HAUS5: variants seen among roughly 807,000 people sequenced by gnomAD.
HAUS5 encodes HAUS augmin like complex subunit 5, also known as HAUS augmin-like complex subunit 5.
HAUS5 carries 67 observed loss-of-function variants against 94.1 expected under a neutral mutation model. The ratio of observed to expected loss-of-function variants is 0.71; its 90% CI spans 0.58 to 0.87. The LOEUF (loss-of-function observed/expected upper bound fraction) is 0.87, where lower values mean the gene tolerates loss of function less well. HAUS5 is among the 40% of genes least tolerant of loss of function. HAUS5 has a pLI of 0.00. For missense variants in HAUS5, 739 were observed against 825.6 expected (o/e 0.90, Z 1.29); for synonymous variants, 339 against 355.4 (o/e 0.95, Z 0.52).
intron 12 of HAUS5, 78 bp downstream of exon 12, chr19:35,618,777 T>C: frequency 6.5e-7 from 1 of 1,527,016 alleles, no homozygotes; most frequent in Non-Finnish European, 8.8e-7. Flanking sequence ...TTTCAGCCTC[T>C]GTGGCTCCTA....
chr19:35,613,969 A>C, intron 3 of HAUS5, 66 bp from the exon 4 acceptor site: 5 of 1,607,720 alleles, frequency 3.1e-6, no homozygotes, highest in Non-Finnish European at 4.3e-6. Context: ...CCACCACAGC[A>C]TCACACCTAT....
At chr19:35,618,830 T>C in intron 12 of HAUS5, 57 bp from the exon 13 acceptor site, 1 of 1,540,468 alleles carries the variant, frequency 6.5e-7, no homozygotes, top group Non-Finnish European at 8.8e-7. Flanking sequence ...TGGTTTATGG[T>C]CCCTTGTGTG....
rs1368544950 is a variant in HAUS5 at position 35,624,994 on chromosome 19, T to C, written c.*2001T>C. 2 of 152,328 alleles carry C rather than the reference T, an allele frequency of 1.3e-5. No homozygotes were observed. The highest frequency in any genetic ancestry group is 4.8e-5 in the African/African-American group (2 of 41,462). The allele number at this position is 152,328 out of a possible 1,614,324, so 9.4% of individuals were successfully genotyped here. On this transcript the variant is annotated 3_prime_UTR_variant, in exon 19 of 19. Transcript: ENST00000203166. ...GCTGCTGTTTCCCAGCCTTTCCACA[T>C]TGGCTTTCCCATGTAGTCCTTAGTG...
intron 14 of HAUS5, 32 bp downstream of exon 14, chr19:35,619,536 G>A (rs1473901378): frequency 1.2e-6 from 2 of 1,607,966 alleles, no homozygotes; most frequent in African/African-American, 2.7e-5. Context: ...GGTCTGGGTA[G>A]GGCTGGATCT....
chr19:35,613,039 C>T (rs1265957013), intron 1 of HAUS5, 147 bp downstream of exon 1: 1 of 605,832 alleles, frequency 1.7e-6, no homozygotes, highest in African/African-American at 1.9e-5. Flanking sequence ...CCCTGGGAGG[C>T]TCCCCAGAGT....
rs138655923 is a variant in HAUS5 at position 35,618,807 on chromosome 19, C to T, written c.1017-80C>T. On this transcript the variant is annotated intron_variant, in intron 12 of 18. Transcript: ENST00000203166. ...CTCCTATCTCTGCCTCCTCTCCCTG[C>T]AGTGTCTCTCCCTGGTTTATGGTCC... 9.2e-4 allele frequency: 1,395 copies of T among 1,521,394 alleles called. 2 individuals are homozygous for T. The highest frequency in any genetic ancestry group is 1.1e-3 in the Non-Finnish European group (1,204 of 1,126,726). 94.2% of individuals were successfully genotyped at this position (1,521,394 alleles called of 1,614,324 possible).
intron 8 of HAUS5, 136 bp from the exon 9 acceptor site, chr19:35,617,719 G>T: frequency 1.3e-6 from 1 of 764,702 alleles, no homozygotes; most frequent in Non-Finnish European, 2.3e-6. Context: ...AAAGCCAGCA[G>T]GTTGGTATAA....
Position 35,617,885 on chromosome 19 carries a change from G to T in HAUS5, c.669G>T (p.Ser223=), listed in dbSNP as rs201770855. 89 of 1,613,992 alleles carry T rather than the reference G, an allele frequency of 5.5e-5. No individual in the cohort carries two copies. In the African/African-American group the frequency reaches 1.1e-3, roughly 20 times the overall value. Residue 223 remains serine, a synonymous_variant, in exon 9 of 19, where the codon TCG becomes TCT. Coordinates refer to ENST00000203166, the MANE Select transcript of HAUS5 (RefSeq NM_015302.2). ...PTPHDDHFGT[S]YQQWLSSVET... is the part of the protein sequence containing the mutation. ...CTCATGATGACCACTTTGGCACTTC[G>T]TACCAGCAGTGGCTGAGCTCAGTGG...
At chr19:35,613,539 C>T (rs2071913409) in intron 1 of HAUS5, 191 bp from the exon 2 acceptor site, 2 of 587,238 alleles carry the variant, frequency 3.4e-6, no homozygotes, top group African/African-American at 2.0e-5. Context: ...GAGCTATGAT[C>T]GTACCACTGC....
chr19:35,620,261 C>T lies in HAUS5; in HGVS notation c.1585C>T (p.Arg529Trp), dbSNP rs1355448204. 6.8e-6 allele frequency: 11 copies of T among 1,613,042 alleles called. No individual in the cohort carries two copies. The highest frequency in any genetic ancestry group is 2.7e-5 in the African/African-American group (2 of 74,864). The change falls in exon 17 of 19, where the codon CGG becomes TGG. Residue 529 changes from arginine to tryptophan, a missense_variant. Coordinates refer to ENST00000203166, the MANE Select transcript of HAUS5 (RefSeq NM_015302.2). ...RQDLLLLQDQRSLWCWDLLHM... is the reference protein window; with the variant it reads ...RQDLLLLQDQWSLWCWDLLHM... ...GGACCTTCTGCTCCTGCAGGACCAG[C>T]GGAGCCTCTGGTGCTGGGATCTACT...
Position 35,623,124 on chromosome 19 carries a change from CAT to C in HAUS5, c.*132_*133del, listed in dbSNP as rs749398023. On this transcript the variant is annotated 3_prime_UTR_variant, in exon 19 of 19. Transcript: ENST00000203166. ...TCCCCACCCGCACCTGCAGTCCCCTCATGTGCTGTTCTGCTGCCCCACTCAGC... is the reference window on the plus strand; with the variant it reads ...TCCCCACCCGCACCTGCAGTCCCCTCGTGCTGTTCTGCTGCCCCACTCAGC... 29 of 664,850 alleles carry C rather than the reference CAT, an allele frequency of 4.4e-5. No individual in the cohort carries two copies. Among genetic ancestry groups the C allele is most frequent in the Middle Eastern group, 4.2e-4 (1 of 2,366 alleles). 41.2% of individuals were successfully genotyped at this position (664,850 alleles called of 1,614,324 possible). A position where few individuals can be genotyped will look rare whatever the true frequency, so the allele number is the denominator to read the frequency against.
intron 6 of HAUS5, 136 bp downstream of exon 6, chr19:35,615,522 G>T: frequency 1.5e-6 from 1 of 687,996 alleles, no homozygotes; most frequent in Non-Finnish European, 2.4e-6. Context: ...AGGCCAGGAG[G>T]TTTTGTCATC....
intron 4 of HAUS5, 65 bp downstream of exon 4, chr19:35,614,124 AGCCCAACCAGGT>A: frequency 1.4e-6 from 2 of 1,440,350 alleles, no homozygotes; most frequent in Non-Finnish European, 2.0e-6. Context: ...TTCTGCTCTA[AGCCCAACCAGGT>A]GCTGGGTGAT....
rs188968038 is a variant in HAUS5 at position 35,617,378 on chromosome 19, C to T, written c.638+9C>T. The stretch of plus-strand genomic sequence containing the variant: ...AAGAGGGGCAGCCTCCCGTGAGTGT[C>T]CCTAGCCCCCAGAGACCCTGTAAAG... On this transcript the variant is annotated intron_variant, in intron 8 of 18. Coordinates refer to ENST00000203166, the MANE Select transcript of HAUS5 (RefSeq NM_015302.2). The T allele has an allele frequency of 3.9e-5, 63 of 1,599,394 alleles. No homozygotes were observed. The highest frequency in any genetic ancestry group is 1.7e-4 in the Middle Eastern group (1 of 6,028).
rs1229374509 is a variant in HAUS5, at chr19:35,614,891, G to A, written c.220-151G>A. ...GTAAGACAATCCTAGGAGGAAGGAG[G>A]GAGGGAGCCAATACCCTAATGCTTC... On this transcript the variant is annotated intron_variant, in intron 4 of 18. Transcript: ENST00000203166. The A allele has an allele frequency of 1.1e-5, 7 of 609,456 alleles. No homozygotes were observed. In the Admixed American group the frequency reaches 1.2e-4, roughly 10 times the overall value. The allele number at this position is 609,456 out of a possible 1,614,324, so 37.8% of individuals were successfully genotyped here.
Position 35,620,291 on chromosome 19 carries a change from A to G in HAUS5, c.1615A>G (p.Met539Val), listed in dbSNP as rs888607031. ...CCTCTGGTGCTGGGATCTACTCCAC[A>G]TGAAGACCAGCCTGCCGCCAGGCCT... Reference protein sequence around the residue: ...RSLWCWDLLHMKTSLPPGLPT... With the variant: ...RSLWCWDLLHVKTSLPPGLPT... The change falls in exon 17 of 19, where the codon ATG becomes GTG. Residue 539 changes from methionine (M) to valine (V), a missense_variant. Transcript: ENST00000203166. 1.9e-6 allele frequency: 3 copies of G among 1,613,000 alleles called. No homozygotes were observed. The highest frequency in any genetic ancestry group is 2.5e-6 in the Non-Finnish European group (3 of 1,179,784).
In HAUS5 at chr19:35,623,844, G is replaced by A. The variant is rs1477521249; in HGVS notation, c.*851G>A. The A allele has an allele frequency of 6.6e-6, 1 of 152,208 alleles. No homozygotes were observed. Among genetic ancestry groups the A allele is most frequent in the Non-Finnish European group, 1.5e-5 (1 of 68,046 alleles). The allele number at this position is 152,208 out of a possible 1,614,324, so 9.4% of individuals were successfully genotyped here. A position where few individuals can be genotyped will look rare whatever the true frequency, so the allele number is the denominator to read the frequency against. ...GTCAAGAGCAGCGGCGGTGACGCAG[G>A]TGTAGAGATTTGTCAGAGCTCATGT... On this transcript the variant is annotated 3_prime_UTR_variant, in exon 19 of 19. Coordinates refer to ENST00000203166, the MANE Select transcript of HAUS5 (RefSeq NM_015302.2).
In HAUS5 at chr19:35,614,019, G is replaced by A. The variant is rs759891688; in HGVS notation, c.195-16G>A. Reference sequence around the variant, plus strand: ...GAAGCCCCACTCATCCGCTGACTCTGGCCTCGTTTTCCTAGGTATGGCCAC... The same window carrying A: ...GAAGCCCCACTCATCCGCTGACTCTAGCCTCGTTTTCCTAGGTATGGCCAC... On this transcript the variant is annotated splice_polypyrimidine_tract_variant and intron_variant, in intron 3 of 18. Transcript: ENST00000203166. The A allele has an allele frequency of 1.2e-6, 2 of 1,613,750 alleles. No individual in the cohort carries two copies. The highest frequency in any genetic ancestry group is 2.2e-5 in the South Asian group (2 of 91,074).
Position 35,617,920 on chromosome 19 carries a change from G to A in HAUS5, c.696+8G>A. 6.2e-7 allele frequency: 1 copy of A among 1,613,472 alleles called. No homozygotes were observed. Among genetic ancestry groups the A allele is most frequent in the African/African-American group, 1.3e-5 (1 of 74,960 alleles). On this transcript the variant is annotated splice_region_variant and intron_variant, in intron 9 of 18. Transcript: ENST00000203166. ...TGGCTGAGCTCAGTGGAGGTGAGAG[G>A]GCAGGGCTCTCAGGAAAGCCACACC...
Sources: gnomAD v4.1 joint callset for allele counts on GRCh38, gnomAD v4.1.1 for gene constraint, MANE v1.5 for transcripts, NCBI Gene and HGNC (gene_info 2026-07-23, HGNC 2026-07-21) for gene names.